The following OR1J2 variants were observed in gnomAD, a reference collection of about 807,000 sequenced individuals.
OR1J2 encodes olfactory receptor 1J2.
For synonymous variants in OR1J2, 142 were observed against 99.7 expected (o/e 1.42, Z -2.52); for missense variants, 304 against 246.1 (o/e 1.24, Z -1.57).
chr9:122,456,041 A>C, the OR1J2 span, among the ~76,000 whole-genome samples: 1 of 152,174 alleles, frequency 6.6e-6, no homozygotes, highest in African/African-American at 2.4e-5. Flanking sequence ...AATTCCATTC[A>C]GTTGATCTAG....
chr9:122,579,021 CAAAAACCTACTGAAATTAA>C, the OR1J2 span, among the ~76,000 whole-genome samples: 6 of 150,624 alleles, frequency 4.0e-5, no homozygotes, highest in African/African-American at 1.5e-4. Flanking sequence ...ACCTGTTCCC[CAAAAACCTACTGAAATTAA>C]AAAAAAATAG....
the OR1J2 span, among the ~76,000 whole-genome samples, chr9:122,485,491 T>TGTTCTAAGTGTTTCTA: frequency 6.6e-6 from 1 of 152,186 alleles, no homozygotes; most frequent in East Asian, 1.9e-4. Flanking sequence ...AGTGAACATG[T>TGTTCTAAGTGTTTCTA]AGTGTGATGT....
At chr9:122,574,916 G>A in the OR1J2 span, among the ~76,000 whole-genome samples, 2 of 152,030 alleles carry the variant, frequency 1.3e-5, no homozygotes, top group African/African-American at 4.8e-5. Flanking sequence ...GATGGGTGTT[G>A]GAGTTTGTCA....
the OR1J2 span, among the ~76,000 whole-genome samples, chr9:122,524,781 T>G: frequency 6.6e-6 from 1 of 152,070 alleles, no homozygotes; most frequent in Non-Finnish European, 1.5e-5. Context: ...GGTATCAGGG[T>G]GGACATAGGT....
At chr9:122,465,476 T>C in the OR1J2 span, among the ~76,000 whole-genome samples, 1 of 152,196 alleles carries the variant, frequency 6.6e-6, no homozygotes, top group East Asian at 1.9e-4. Flanking sequence ...GTCCTTTGTC[T>C]TGTGTACAAT....
At chr9:122,471,804 GA>G in the OR1J2 span, among the ~76,000 whole-genome samples, 1 of 152,124 alleles carries the variant, frequency 6.6e-6, no homozygotes, top group Non-Finnish European at 1.5e-5. Flanking sequence ...AAGAAGCACA[GA>G]ATTGGGCATC....
the OR1J2 span, among the ~76,000 whole-genome samples, chr9:122,549,838 A>G: frequency 6.6e-6 from 1 of 151,966 alleles, no homozygotes; most frequent in African/African-American, 2.4e-5. Context: ...TTCTTTGGCT[A>G]TTTGTGATCT....
the OR1J2 span, among the ~76,000 whole-genome samples, chr9:122,475,426 A>G: frequency 6.6e-6 from 1 of 152,202 alleles, no homozygotes. Context: ...GAAACTTGCT[A>G]AGTGGTTCTA....
the OR1J2 span, among the ~76,000 whole-genome samples, chr9:122,525,254 G>GTACT: frequency 6.6e-6 from 1 of 152,126 alleles, no homozygotes; most frequent in Non-Finnish European, 1.5e-5. Flanking sequence ...ATTCACATTT[G>GTACT]TACTTACTAA....
chr9:122,461,162 G>C, the OR1J2 span, among the ~76,000 whole-genome samples: 1 of 152,070 alleles, frequency 6.6e-6, no homozygotes, highest in South Asian at 2.1e-4. Flanking sequence ...GAATAGAAGT[G>C]GTGAAAGTGG....
At chr9:122,471,820 G>A in the OR1J2 span, among the ~76,000 whole-genome samples, 2 of 152,044 alleles carry the variant, frequency 1.3e-5, no homozygotes, top group African/African-American at 4.8e-5. Flanking sequence ...GGCATCTGAG[G>A]CCAAAAAAAT....
At chr9:122,489,053 G>A in the OR1J2 span, among the ~76,000 whole-genome samples, 1 of 144,162 alleles carries the variant, frequency 6.9e-6, no homozygotes, top group Non-Finnish European at 1.5e-5. Context: ...CCATCTCTGT[G>A]TCCATGGGAA....
chr9:122,464,330 G>A, the OR1J2 span, among the ~76,000 whole-genome samples: 7 of 152,300 alleles, frequency 4.6e-5, no homozygotes, highest in East Asian at 1.9e-4. Flanking sequence ...CAGCAGCAGC[G>A]AGTTTATTTC....
At chr9:122,546,243 TTGTGGCAAGTGTGCAGGC>T in the OR1J2 span, among the ~76,000 whole-genome samples, 1 of 152,070 alleles carries the variant, frequency 6.6e-6, no homozygotes, top group Non-Finnish European at 1.5e-5. Flanking sequence ...AGTAAATAAT[TTGTGGCAAGTGTGCAGGC>T]TGTGGCAAAT....
chr9:122,576,388 A>AT, the OR1J2 span, among the ~76,000 whole-genome samples: 869 of 138,608 alleles, frequency 6.3e-3, 3 homozygotes, highest in East Asian at 0.022. Context: ...CGCCCAGCTA[A>AT]TTTTTTTTTT....
At chr9:122,546,842 A>G in the OR1J2 span, among the ~76,000 whole-genome samples, 2 of 152,210 alleles carry the variant, frequency 1.3e-5, no homozygotes, top group Admixed American at 6.5e-5. Context: ...ACAAATAATA[A>G]TTGTATGTAT....
chr9:122,503,706 C>T, the OR1J2 span, among the ~76,000 whole-genome samples: 1 of 152,306 alleles, frequency 6.6e-6, no homozygotes, highest in Middle Eastern at 3.4e-3. Flanking sequence ...TCTGAACTTC[C>T]ACTCTTACTC....
chr9:122,499,844 A>G, the OR1J2 span, among the ~76,000 whole-genome samples: 3 of 152,142 alleles, frequency 2.0e-5, no homozygotes, highest in Non-Finnish European at 2.9e-5. Context: ...CTGCTGCACC[A>G]CGATCTCAGG....
At chr9:122,455,360 A>G in the OR1J2 span, among the ~76,000 whole-genome samples, 3 of 152,138 alleles carry the variant, frequency 2.0e-5, no homozygotes, top group African/African-American at 7.2e-5. Flanking sequence ...ATTTCTTTGA[A>G]CTATTTGTTT....
Sources: gnomAD v4.1 joint callset for allele counts (sites outside exome capture counted in the v4.1 genomes callset) on GRCh38, gnomAD v4.1.1 for gene constraint, MANE v1.5 for transcripts, NCBI Gene and HGNC (gene_info 2026-07-23, HGNC 2026-07-21) for gene names.